NPAS2: variants seen among roughly 807,000 people sequenced by gnomAD.
NPAS2 encodes neuronal PAS domain protein 2, also known as neuronal PAS domain-containing protein 2.
A neutral mutation model predicts 107.5 loss-of-function variants in NPAS2; 23 were observed. That is an observed-to-expected ratio of 0.21 (90% confidence interval 0.15 to 0.30). The LOEUF (loss-of-function observed/expected upper bound fraction) is 0.30. Among genes scored for constraint, NPAS2 ranks in the 10% least tolerant of loss-of-function variants. The probability of loss-of-function intolerance (pLI) is 1.00; values close to 1 mark genes in which losing one functional copy is unlikely to be tolerated. For missense variants in NPAS2, 756 were observed against 1,043.3 expected, an observed-to-expected ratio of 0.72 and a Z score of 3.79; for synonymous variants, 403 against 417.5, an observed-to-expected ratio of 0.97 and a Z score of 0.42.
intron 7 of NPAS2, among the ~76,000 whole-genome samples, chr2:100,963,797 G>A (rs1676055776): frequency 6.6e-6 from 1 of 152,222 alleles, no homozygotes; most frequent in Non-Finnish European, 1.5e-5. Flanking sequence ...CTGAATGCTG[G>A]TGACCAGCAT....
At chr2:100,921,495 A>G (rs576768539) in intron 2 of NPAS2, among the ~76,000 whole-genome samples, 20 of 152,298 alleles carry the variant, frequency 1.3e-4, no homozygotes, top group African/African-American at 3.8e-4. Flanking sequence ...ATATCCATGT[A>G]TATTTAAAAC....
At chr2:100,881,698 A>AG (rs1354064979) in intron 1 of NPAS2, among the ~76,000 whole-genome samples, 1 of 151,958 alleles carries the variant, frequency 6.6e-6, no homozygotes, top group East Asian at 1.9e-4. Flanking sequence ...AAAAAAAAAA[A>AG]GTGCTGCTGT....
chr2:100,856,334 A>G (rs1411659363), intron 1 of NPAS2, among the ~76,000 whole-genome samples: 2 of 152,194 alleles, frequency 1.3e-5, no homozygotes, highest in South Asian at 2.1e-4. Context: ...GTTTCGTTAC[A>G]TGACTATCCA....
At chr2:100,941,302 G>A (rs1674562474) in intron 5 of NPAS2, among the ~76,000 whole-genome samples, 1 of 152,218 alleles carries the variant, frequency 6.6e-6, no homozygotes, top group Non-Finnish European at 1.5e-5. Context: ...GGTGGCTCAC[G>A]CCTGTAATCT....
intron 2 of NPAS2, among the ~76,000 whole-genome samples, chr2:100,916,325 C>A (rs1025301260): frequency 6.6e-6 from 1 of 151,890 alleles, no homozygotes; most frequent in South Asian, 2.1e-4. Flanking sequence ...TTTTCAGTAA[C>A]CTAAATACCT....
chr2:100,829,165 T>C (rs893944139), intron 1 of NPAS2, among the ~76,000 whole-genome samples: 7 of 149,238 alleles, frequency 4.7e-5, no homozygotes, highest in African/African-American at 1.5e-4. Context: ...CTGCTGCAAA[T>C]GGAACTGTGT....
chr2:100,826,366 A>G (rs1676380876), intron 1 of NPAS2, among the ~76,000 whole-genome samples: 1 of 152,176 alleles, frequency 6.6e-6, no homozygotes, highest in South Asian at 2.1e-4. Context: ...CACTTGAACC[A>G]GCGAGTCGGA....
At chr2:100,975,937 C>T (rs954573692) in intron 14 of NPAS2, among the ~76,000 whole-genome samples, 1 of 152,148 alleles carries the variant, frequency 6.6e-6, no homozygotes, top group Non-Finnish European at 1.5e-5. Flanking sequence ...AGCTCAGTGT[C>T]AACAAAAATG....
chr2:100,954,880 T>C (rs1453600195), intron 7 of NPAS2, among the ~76,000 whole-genome samples: 3 of 151,762 alleles, frequency 2.0e-5, no homozygotes, highest in African/African-American at 4.8e-5. Context: ...TTTTTTTGTT[T>C]TTTTTTGGTT....
chr2:100,966,295 G>T (rs879498969), intron 10 of NPAS2, among the ~76,000 whole-genome samples: 1 of 152,126 alleles, frequency 6.6e-6, no homozygotes, highest in African/African-American at 2.4e-5. Context: ...CATACTGGGG[G>T]ACTCAAGAGG....
rs986245638 is a variant in NPAS2, at chr2:100,878,406, T to G, written c.-22-26327T>G. On this transcript the variant is annotated intron_variant, in intron 1 of 20. Transcript: ENST00000335681. Reference sequence around the variant, plus strand: ...GCTGAGGACCTGGAAAACCAGCAGTTCCTCTTTCCAGCGTTGGACAAGGAC... The same window carrying G: ...GCTGAGGACCTGGAAAACCAGCAGTGCCTCTTTCCAGCGTTGGACAAGGAC... 9 of 985,400 alleles carry G rather than the reference T, an allele frequency of 9.1e-6. No individual in the cohort carries two copies. The African/African-American group carries it at 1.2e-4, about 13-fold the overall frequency. 61.0% of individuals were successfully genotyped at this position (985,400 alleles called of 1,614,324 possible). A position where few individuals can be genotyped will look rare whatever the true frequency, so the allele number is the denominator to read the frequency against.
At chr2:100,900,750 G>T (rs184280414) in intron 1 of NPAS2, among the ~76,000 whole-genome samples, 8 of 152,122 alleles carry the variant, frequency 5.3e-5, no homozygotes, top group Non-Finnish European at 1.0e-4. Context: ...CAAATATCCT[G>T]TTTCTCCCCA....
intron 5 of NPAS2, among the ~76,000 whole-genome samples, chr2:100,941,686 G>A (rs867702820): frequency 3.3e-5 from 5 of 152,158 alleles, no homozygotes; most frequent in Admixed American, 6.5e-5. Context: ...GGAGGCCAAG[G>A]GCTCACGGGA....
intron 7 of NPAS2, among the ~76,000 whole-genome samples, chr2:100,950,243 A>G (rs1249391378): frequency 6.6e-6 from 1 of 152,268 alleles, no homozygotes; most frequent in African/African-American, 2.4e-5. Context: ...CACAAAACAA[A>G]TAACTTTGAA....
intron 5 of NPAS2, among the ~76,000 whole-genome samples, chr2:100,947,584 C>T (rs1674980447): frequency 6.6e-6 from 1 of 151,860 alleles, no homozygotes; most frequent in Non-Finnish European, 1.5e-5. Context: ...AATTCAGTTC[C>T]TTGTTCACAC....
upstream of NPAS2, among the ~76,000 whole-genome samples, chr2:100,818,984 C>T (rs1321657190): frequency 6.6e-6 from 1 of 152,160 alleles, no homozygotes; most frequent in Non-Finnish European, 1.5e-5. Context: ...CTTGGAGCCC[C>T]GAAGGGCATC....
chr2:100,911,447 G>A (rs558647378), intron 2 of NPAS2, among the ~76,000 whole-genome samples: 4 of 152,074 alleles, frequency 2.6e-5, no homozygotes, highest in East Asian at 3.9e-4. Flanking sequence ...TTATTGAGAC[G>A]GAGTTTTGCT....
intron 1 of NPAS2, among the ~76,000 whole-genome samples, chr2:100,834,631 C>G (rs1417349760): frequency 2.0e-5 from 3 of 152,262 alleles, no homozygotes; most frequent in Admixed American, 1.3e-4. Flanking sequence ...TTTTCTCACC[C>G]GTACTTTTTA....
chr2:100,974,606 G>A (rs761623701), intron 12 of NPAS2, among the ~76,000 whole-genome samples, 197 bp from the exon 13 acceptor site: 8 of 152,188 alleles, frequency 5.3e-5, no homozygotes, highest in Non-Finnish European at 8.8e-5. Flanking sequence ...GCTGCTTTTC[G>A]GCTGCAAGCC....
Sources: allele counts gnomAD v4.1 joint callset (sites outside exome capture counted in the v4.1 genomes callset), GRCh38; gene constraint gnomAD v4.1.1; transcripts MANE v1.5; gene names NCBI Gene and HGNC (gene_info 2026-07-23, HGNC 2026-07-21).